The following PVT1 variants were observed in gnomAD, a reference collection of about 807,000 sequenced individuals.
PVT1 encodes the protein CXCR4/PVT1 fusion.
intron 3 of PVT1, among the ~76,000 whole-genome samples, chr8:127,972,848 G>T (rs1816779806): frequency 1.3e-5 from 2 of 152,162 alleles, no homozygotes; most frequent in Non-Finnish European, 2.9e-5. Flanking sequence ...GCTTCTTGAA[G>T]CTCCCAGGTG....
intron 3 of PVT1, among the ~76,000 whole-genome samples, chr8:127,892,760 G>C (rs1815627538): frequency 1.3e-5 from 2 of 152,190 alleles, no homozygotes; most frequent in African/African-American, 4.8e-5. Flanking sequence ...GCAGGCAGAG[G>C]AGCCATTTCG....
intron 3 of PVT1, among the ~76,000 whole-genome samples, chr8:127,965,131 T>C (rs966134812): frequency 2.0e-5 from 3 of 152,222 alleles, no homozygotes; most frequent in African/African-American, 4.8e-5. Context: ...ATCCAGATGC[T>C]CTTTTCTGTG....
rs374837054 is a variant in PVT1, at chr8:128,006,755, C to T, written n.912+17464C>T. ...GCAATTTTTTAAAAATCAGTCTGGA[C>T]TCTTGGATTCTCATTATATTGGTTA... On this transcript the variant is annotated intron_variant and non_coding_transcript_variant, in intron 4 of 10. Coordinates refer to ENST00000651587, the Ensembl canonical transcript of PVT1. Among the ~76,000 whole-genome samples the T allele has an allele frequency of 5.3e-5, 8 of 152,216 alleles. No individual in the cohort carries two copies. The South Asian group carries it at 1.7e-3, about 32-fold the overall frequency.
chr8:127,980,849 G>A (rs1816875502), intron 3 of PVT1, among the ~76,000 whole-genome samples: 1 of 138,114 alleles, frequency 7.2e-6, no homozygotes, highest in Non-Finnish European at 1.5e-5. Context: ...CCAGGATATA[G>A]TGCAGTGGTG....
At chr8:127,856,346 T>C (rs549849336) in intron 2 of PVT1, among the ~76,000 whole-genome samples, 4 of 152,018 alleles carry the variant, frequency 2.6e-5, no homozygotes, top group Non-Finnish European at 4.4e-5. Context: ...TACATACGTA[T>C]ATATTTTTTT....
intron 3 of PVT1, among the ~76,000 whole-genome samples, chr8:127,935,900 G>C (rs1306381908): frequency 2.6e-5 from 4 of 152,174 alleles, no homozygotes; most frequent in African/African-American, 9.7e-5. Context: ...TTCCTGATCT[G>C]AGAGGTGTCA....
chr8:127,855,295 G>A, intron 2 of PVT1: 1 of 398,550 alleles, frequency 2.5e-6, no homozygotes, highest in Non-Finnish European at 4.4e-6. Flanking sequence ...GCAGCTGGGG[G>A]CCTTGGCTGT....
intron 4 of PVT1, among the ~76,000 whole-genome samples, chr8:128,061,822 T>C (rs890659294): frequency 6.6e-6 from 1 of 152,240 alleles, no homozygotes; most frequent in African/African-American, 2.4e-5. Flanking sequence ...AATACTTGCA[T>C]TTGTCAAAAC....
chr8:128,066,758 C>A (rs933840535), intron 4 of PVT1, among the ~76,000 whole-genome samples: 1 of 152,218 alleles, frequency 6.6e-6, no homozygotes, highest in East Asian at 1.9e-4. Flanking sequence ...TTACCAGGAT[C>A]TTTTTCTAGT....
At chr8:128,060,998 C>T (rs1383863531) in intron 4 of PVT1, among the ~76,000 whole-genome samples, 1 of 151,790 alleles carries the variant, frequency 6.6e-6, no homozygotes, top group African/African-American at 2.4e-5. Context: ...CAACCTCCAC[C>T]TCCCAGGTTC....
intron 4 of PVT1, among the ~76,000 whole-genome samples, chr8:128,064,797 G>A (rs577015881): frequency 6.6e-6 from 1 of 152,324 alleles, no homozygotes; most frequent in Non-Finnish European, 1.5e-5. Flanking sequence ...AGAACTTTAT[G>A]TCAACTTGTC....
intron 4 of PVT1, among the ~76,000 whole-genome samples, chr8:128,001,461 C>T (rs1053394469): frequency 2.0e-5 from 3 of 152,068 alleles, no homozygotes; most frequent in Admixed American, 6.6e-5. Context: ...TCCTCTGTAC[C>T]GGTGCCCAGC....
rs369288200 is a variant in PVT1 at position 127,900,685 on chromosome 8, A to G, written n.782+9687A>G. On this transcript the variant is annotated intron_variant and non_coding_transcript_variant, in intron 3 of 10. Coordinates refer to ENST00000651587, the Ensembl canonical transcript of PVT1. Reference sequence around the variant, plus strand: ...TTTCCAGAATTTTGCTTTTGTAAACAATGCTGTCATGAGCATCCTAGCACA... The same window carrying G: ...TTTCCAGAATTTTGCTTTTGTAAACGATGCTGTCATGAGCATCCTAGCACA... 2.0e-4 allele frequency among the ~76,000 whole-genome samples: 31 copies of G among 152,324 alleles called. No individual in the cohort carries two copies. In the East Asian group the frequency reaches 3.7e-3, roughly 18 times the overall value.
chr8:127,876,602 C>G (rs575225241), intron 2 of PVT1, among the ~76,000 whole-genome samples: 1 of 152,004 alleles, frequency 6.6e-6, no homozygotes, highest in East Asian at 1.9e-4. Context: ...TTAGCATTAC[C>G]CGTACACTCT....
At chr8:127,834,357 G>A (rs779570654) in intron 2 of PVT1, among the ~76,000 whole-genome samples, 41 of 152,048 alleles carry the variant, frequency 2.7e-4, no homozygotes, top group Middle Eastern at 3.4e-3. Flanking sequence ...CAGGAAAACC[G>A]GCTAGCCATA....
At chr8:128,076,534 G>A (rs1354172177) in intron 5 of PVT1, among the ~76,000 whole-genome samples, 2 of 152,090 alleles carry the variant, frequency 1.3e-5, no homozygotes, top group African/African-American at 4.8e-5. Context: ...TCTAAGCAAG[G>A]CAGTATGATG....
intron 2 of PVT1, among the ~76,000 whole-genome samples, chr8:127,804,187 G>T (rs1276474040): frequency 1.3e-5 from 2 of 152,148 alleles, no homozygotes; most frequent in Non-Finnish European, 2.9e-5. Context: ...CTGTACTCCA[G>T]TCTGGGTGAC....
chr8:127,998,578 C>G (rs1817134622), intron 4 of PVT1, among the ~76,000 whole-genome samples: 1 of 146,622 alleles, frequency 6.8e-6, no homozygotes, highest in Non-Finnish European at 1.5e-5. Context: ...CCCTTCCTCC[C>G]TCCCTCTTTT....
At chr8:128,008,322 T>A (rs1329851054) in intron 4 of PVT1, among the ~76,000 whole-genome samples, 1 of 152,206 alleles carries the variant, frequency 6.6e-6, no homozygotes, top group African/African-American at 2.4e-5. Flanking sequence ...AACAAAAGTG[T>A]CTTCTCTTGA....
Sources: gnomAD v4.1 joint callset for allele counts (sites outside exome capture counted in the v4.1 genomes callset) on GRCh38, gnomAD v4.1.1 for gene constraint, MANE v1.5 for transcripts, NCBI Gene and HGNC (gene_info 2026-07-23, HGNC 2026-07-21) for gene names.